GPRIN3: variants seen among roughly 807,000 people sequenced by gnomAD.
GPRIN3 encodes GPRIN family member 3, also known as G protein-regulated inducer of neurite outgrowth 3.
Under a neutral mutation model 13.7 loss-of-function variants are expected in GPRIN3, and 12 were observed. That is an observed-to-expected ratio of 0.87 (90% CI 0.56 to 1.42). The LOEUF (loss-of-function observed/expected upper bound fraction) is 1.42. Ranked by LOEUF, GPRIN3 falls within the 40% of genes most tolerant of loss-of-function variation. The pLI is 0.00. For missense variants in GPRIN3, 1,009 were observed against 958.7 expected (o/e 1.05, Z -0.69); for synonymous variants, 377 against 372.7 (o/e 1.01, Z -0.13).
At chr4:89,285,102 T>G (rs1724364649) in intron 1 of GPRIN3, among the ~76,000 whole-genome samples, 1 of 151,522 alleles carries the variant, frequency 6.6e-6, no homozygotes, top group Non-Finnish European at 1.5e-5. Flanking sequence ...CCCTATGATT[T>G]CATCTCCACC....
At chr4:89,277,497 C>T (rs763489566) in intron 1 of GPRIN3, among the ~76,000 whole-genome samples, 29 of 152,336 alleles carry the variant, frequency 1.9e-4, no homozygotes, top group Non-Finnish European at 3.7e-4. Context: ...GTCACAGGAC[C>T]TTATATGGTC....
In GPRIN3 at chr4:89,239,276, T is replaced by C. The variant is rs1722862163; in HGVS notation, c.*8504A>G. On this transcript the variant is annotated 3_prime_UTR_variant, in exon 2 of 2. Coordinates refer to ENST00000609438, the MANE Select transcript of GPRIN3 (RefSeq NM_198281.3). The stretch of plus-strand genomic sequence containing the variant: ...TTTCTTAGTTGAGTATTTACACACA[T>C]AAATGATTCTCATATTGAAAACTGC... 6.6e-6 allele frequency: 1 copy of C among 152,162 alleles called. No individual in the cohort carries two copies. Among genetic ancestry groups the C allele is most frequent in the South Asian group, 2.1e-4 (1 of 4,838 alleles). The allele number at this position is 152,162 out of a possible 1,614,324, so 9.4% of individuals were successfully genotyped here. A position where few individuals can be genotyped will look rare whatever the true frequency, so the allele number is the denominator to read the frequency against.
chr4:89,288,368 A>G (rs571964379), intron 1 of GPRIN3, among the ~76,000 whole-genome samples: 11 of 152,192 alleles, frequency 7.2e-5, no homozygotes, highest in Non-Finnish European at 1.5e-4. Flanking sequence ...CATTTATAAG[A>G]AATTGTTGAA....
chr4:89,297,694 G>T (rs1333067012), intron 1 of GPRIN3, among the ~76,000 whole-genome samples: 2 of 152,160 alleles, frequency 1.3e-5, no homozygotes, highest in African/African-American at 4.8e-5. Context: ...ATGGAGAGTG[G>T]TGAGCACCTC....
At chr4:89,255,737 C>T (rs1723448066) in intron 1 of GPRIN3, among the ~76,000 whole-genome samples, 1 of 152,180 alleles carries the variant, frequency 6.6e-6, no homozygotes, top group Middle Eastern at 3.2e-3. Context: ...TAGCAAGGTT[C>T]TTGCTAAAAC....
chr4:89,268,221 A>G lies in GPRIN3; in HGVS notation c.-123-17988T>C, dbSNP rs145930284. On this transcript the variant is annotated intron_variant, in intron 1 of 1. Transcript: ENST00000609438. Reference sequence around the variant, plus strand: ...AAGTCCACAGGTAGAGTGATCAACTATGAGGCTGTTTCCATACAAGAGATA... The same window carrying G: ...AAGTCCACAGGTAGAGTGATCAACTGTGAGGCTGTTTCCATACAAGAGATA... Among the ~76,000 whole-genome samples, 289 of 152,340 alleles carry G rather than the reference A, an allele frequency of 1.9e-3. 1 individual carries two copies. Among genetic ancestry groups the G allele is most frequent in the African/African-American group, 6.4e-3 (267 of 41,580 alleles).
At chr4:89,277,139 A>G (rs187591779) in intron 1 of GPRIN3, among the ~76,000 whole-genome samples, 5 of 152,270 alleles carry the variant, frequency 3.3e-5, no homozygotes, top group Non-Finnish European at 5.9e-5. Flanking sequence ...TGGCCTCAGA[A>G]CAATCTATTT....
In GPRIN3 at chr4:89,244,790, C is replaced by A. The variant is rs1723043447; in HGVS notation, c.*2990G>T. Reference sequence around the variant, plus strand: ...TTCCAGACATGGAGTTCTAACTCACCTTTTTACTACTGGTTTAAGGAATAT... The same window carrying A: ...TTCCAGACATGGAGTTCTAACTCACATTTTTACTACTGGTTTAAGGAATAT... On this transcript the variant is annotated 3_prime_UTR_variant, in exon 2 of 2. Transcript: ENST00000609438. 6.6e-6 allele frequency: 1 copy of A among 152,100 alleles called. No individual in the cohort carries two copies. Among genetic ancestry groups the A allele is most frequent in the South Asian group, 2.1e-4 (1 of 4,830 alleles). The allele number at this position is 152,100 out of a possible 1,614,324, so 9.4% of individuals were successfully genotyped here.
At chr4:89,273,911 C>T (rs557038999) in intron 1 of GPRIN3, among the ~76,000 whole-genome samples, 10 of 152,080 alleles carry the variant, frequency 6.6e-5, no homozygotes, top group Non-Finnish European at 1.2e-4. Context: ...TAATGTAGTC[C>T]AATTAATTAA....
rs116209834 is a variant in GPRIN3 at position 89,306,445 on chromosome 4, A to C, written c.-124+1170T>G. On this transcript the variant is annotated intron_variant, in intron 1 of 1. Transcript: ENST00000609438. ...AAGCCTTAATCAACCCTCTCTCCCA[A>C]ATCTTGCTGGTGTTGTAAACACTTC... is the stretch of plus-strand genomic sequence containing the variant. Among the ~76,000 whole-genome samples the C allele has an allele frequency of 7.0e-3, 1,067 of 152,252 alleles. 9 individuals carry two copies. The highest frequency in any genetic ancestry group is 0.022 in the African/African-American group (915 of 41,544).
intron 1 of GPRIN3, among the ~76,000 whole-genome samples, chr4:89,307,355 C>T (rs982805797): frequency 2.2e-4 from 34 of 152,076 alleles, no homozygotes; most frequent in African/African-American, 6.7e-4. Context: ...ATTTCCCTGC[C>T]CACGATCAGC....
At position 89,245,519 on chromosome 4, in the gene GPRIN3, T is replaced by C. The variant is rs1336217122; in HGVS notation, c.*2261A>G. The stretch of plus-strand genomic sequence containing the variant: ...ACTCTAAAGTCATGAAAATAAATAT[T>C]ATTATCAGAGGCGAAATTCCTTATT... On this transcript the variant is annotated 3_prime_UTR_variant, in exon 2 of 2. Coordinates refer to ENST00000609438, the MANE Select transcript of GPRIN3 (RefSeq NM_198281.3). 2 of 152,208 alleles carry C rather than the reference T, an allele frequency of 1.3e-5. No homozygotes were observed. Among genetic ancestry groups the C allele is most frequent in the East Asian group, 3.8e-4 (2 of 5,200 alleles). The allele number at this position is 152,208 out of a possible 1,614,324, so 9.4% of individuals were successfully genotyped here. A position where few individuals can be genotyped will look rare whatever the true frequency, so the allele number is the denominator to read the frequency against.
At chr4:89,254,886 A>G (rs1433527976) in intron 1 of GPRIN3, among the ~76,000 whole-genome samples, 1 of 152,014 alleles carries the variant, frequency 6.6e-6, no homozygotes, top group Non-Finnish European at 1.5e-5. Context: ...GAGATCTTTC[A>G]TAAAAATCCA....
In GPRIN3 at chr4:89,274,453, T is replaced by C. The variant is rs114342574; in HGVS notation, c.-123-24220A>G. Among the ~76,000 whole-genome samples, 704 of 152,302 alleles carry C rather than the reference T, an allele frequency of 4.6e-3. 7 individuals are homozygous for C. Among genetic ancestry groups the C allele is most frequent in the African/African-American group, 0.016 (682 of 41,550 alleles). On this transcript the variant is annotated intron_variant, in intron 1 of 1. Coordinates refer to ENST00000609438, the MANE Select transcript of GPRIN3 (RefSeq NM_198281.3). ...GTCAAAATTTCTCTTATAATTGTAC[T>C]AAAAGATACTTGCCTTTTTGACTAT...
chr4:89,292,431 G>A (rs1485681600), intron 1 of GPRIN3, among the ~76,000 whole-genome samples: 3 of 152,114 alleles, frequency 2.0e-5, no homozygotes, highest in African/African-American at 7.2e-5. Context: ...AAGAAATTAA[G>A]AATTATTAAT....
At chr4:89,305,770 AT>A (rs899515237) in intron 1 of GPRIN3, among the ~76,000 whole-genome samples, 24 of 152,306 alleles carry the variant, frequency 1.6e-4, no homozygotes, top group African/African-American at 5.5e-4. Context: ...ATATTGGGCA[AT>A]TTTTTTGAGG....
In GPRIN3 at chr4:89,247,638, A is replaced by T; in HGVS notation, c.*142T>A. The T allele has an allele frequency of 1.3e-6, 1 of 742,686 alleles. No individual in the cohort carries two copies. The highest frequency in any genetic ancestry group is 2.1e-6 in the Non-Finnish European group (1 of 474,342). 46.0% of individuals were successfully genotyped at this position (742,686 alleles called of 1,614,324 possible). A position where few individuals can be genotyped will look rare whatever the true frequency, so the allele number is the denominator to read the frequency against. ...TATAGAGCTCCAGGTCAAAGGATCT[A>T]ACAATTTTTAATAGCAATTTCCTAT... On this transcript the variant is annotated 3_prime_UTR_variant, in exon 2 of 2. Transcript: ENST00000609438.
intron 1 of GPRIN3, among the ~76,000 whole-genome samples, chr4:89,299,853 T>C (rs942648612): frequency 2.0e-5 from 3 of 152,190 alleles, no homozygotes; most frequent in Non-Finnish European, 4.4e-5. Context: ...TAAAAAGTTA[T>C]ACATAAGATA....
chr4:89,298,070 GAT>G (rs1368792758), intron 1 of GPRIN3, among the ~76,000 whole-genome samples: 1 of 152,022 alleles, frequency 6.6e-6, no homozygotes, highest in African/African-American at 2.4e-5. Flanking sequence ...GGCATGTGTG[GAT>G]ATTTTCTTAA....
Sources: gnomAD v4.1 joint callset for allele counts (sites outside exome capture counted in the v4.1 genomes callset) on GRCh38, gnomAD v4.1.1 for gene constraint, MANE v1.5 for transcripts, NCBI Gene and HGNC (gene_info 2026-07-23, HGNC 2026-07-21) for gene names.